The following ELMO1 variants were observed in gnomAD, a reference collection of about 807,000 sequenced individuals.
The protein encoded by ELMO1 is engulfment and cell motility 1.
In ELMO1, 26 loss-of-function variants were observed where a neutral mutation model predicts 98.9. That is an observed-to-expected ratio of 0.26 (90% CI 0.19 to 0.36). The LOEUF is 0.36. Among genes scored for constraint, ELMO1 ranks in the 10% least tolerant of loss-of-function variants. The probability of loss-of-function intolerance (pLI) is 1.00; values close to 1 mark genes in which losing one functional copy is unlikely to be tolerated. For synonymous variants in ELMO1, 346 were observed against 346.0 expected (o/e 1.00, Z 0.00); for missense variants, 627 against 935.2 (o/e 0.67, Z 4.30).
At chr7:37,210,718 T>G (rs1449066965) in intron 13 of ELMO1, among the ~76,000 whole-genome samples, 2 of 152,114 alleles carry the variant, frequency 1.3e-5, no homozygotes, top group Non-Finnish European at 2.9e-5. Context: ...ATGCCATTTA[T>G]GATGGGGATT....
chr7:36,877,865 T>A, intron 19 of ELMO1, 145 bp downstream of exon 19: 1 of 614,916 alleles, frequency 1.6e-6, no homozygotes, highest in Non-Finnish European at 2.9e-6. Flanking sequence ...TTGTACTTGA[T>A]GAGATGGCTC....
intron 7 of ELMO1, among the ~76,000 whole-genome samples, chr7:37,237,759 A>G (rs1794556880): frequency 6.6e-6 from 1 of 152,208 alleles, no homozygotes; most frequent in Non-Finnish European, 1.5e-5. Context: ...ATACATTGAA[A>G]GGTATGGATT....
At chr7:36,861,821 G>A in intron 20 of ELMO1, 85 bp from the exon 21 acceptor site, 1 of 1,314,196 alleles carries the variant, frequency 7.6e-7, no homozygotes, top group Non-Finnish European at 1.1e-6. Context: ...ATTGACCATG[G>A]CATAGGGCCA....
intron 18 of ELMO1, among the ~76,000 whole-genome samples, chr7:36,884,465 A>C (rs1804756393): frequency 6.6e-6 from 1 of 152,192 alleles, no homozygotes; most frequent in African/African-American, 2.4e-5. Flanking sequence ...AGAGGAACTA[A>C]CATTATCCCC....
chr7:36,998,581 T>C (rs2129159162), intron 16 of ELMO1, among the ~76,000 whole-genome samples: 1 of 152,278 alleles, frequency 6.6e-6, no homozygotes, highest in African/African-American at 2.4e-5. Flanking sequence ...ATCTTGCATG[T>C]ATGTTCATTT....
intron 1 of ELMO1, among the ~76,000 whole-genome samples, chr7:37,349,370 G>C (rs939531014): frequency 6.6e-6 from 1 of 152,214 alleles, no homozygotes; most frequent in East Asian, 1.9e-4. Context: ...GAAAGGGAAA[G>C]GGCTTCAGGA....
chr7:37,436,104 A>G (rs1488663173), intron 1 of ELMO1, among the ~76,000 whole-genome samples: 1 of 152,256 alleles, frequency 6.6e-6, no homozygotes, highest in Non-Finnish European at 1.5e-5. Flanking sequence ...TAAAATGGGT[A>G]CATGTTTGAA....
chr7:37,321,574 GGGCGTGGT>G (rs1562611814), intron 2 of ELMO1, among the ~76,000 whole-genome samples: 1 of 151,402 alleles, frequency 6.6e-6, no homozygotes, highest in East Asian at 2.0e-4. Context: ...AAAATTAGCC[GGGCGTGGT>G]GGCGGGCGCC....
intron 16 of ELMO1, among the ~76,000 whole-genome samples, chr7:36,944,036 G>C (rs920161270): frequency 2.0e-5 from 3 of 152,194 alleles, no homozygotes; most frequent in Non-Finnish European, 2.9e-5. Context: ...AGTACCACAG[G>C]TGGGGCATCT....
chr7:36,946,783 T>C (rs569365460), intron 16 of ELMO1, among the ~76,000 whole-genome samples: 4 of 152,304 alleles, frequency 2.6e-5, no homozygotes, highest in African/African-American at 7.2e-5. Flanking sequence ...CCTTCTTCTC[T>C]TCTCACTCCC....
At chr7:37,013,495 TA>T in intron 15 of ELMO1, 60 bp from the exon 16 acceptor site, 1 of 1,579,820 alleles carries the variant, frequency 6.3e-7, no homozygotes, top group Non-Finnish European at 8.6e-7. Context: ...CACGAGAACA[TA>T]ACCACAGGTA....
intron 4 of ELMO1, among the ~76,000 whole-genome samples, chr7:37,277,268 G>A (rs1167841566): frequency 6.6e-6 from 1 of 152,216 alleles, no homozygotes; most frequent in Non-Finnish European, 1.5e-5. Context: ...CACTGCATCA[G>A]CACATAGGTG....
intron 19 of ELMO1, among the ~76,000 whole-genome samples, chr7:36,876,342 C>T (rs1584289699): frequency 6.7e-6 from 1 of 149,160 alleles, no homozygotes. Flanking sequence ...ATCGAGGGTC[C>T]TTTCTTTTAT....
chr7:37,259,055 T>A, intron 6 of ELMO1, 126 bp downstream of exon 6: 1 of 1,150,538 alleles, frequency 8.7e-7, no homozygotes, highest in Non-Finnish European at 1.2e-6. Context: ...TAAAAACTAT[T>A]TTTTTCCTGA....
chr7:37,325,121 G>A (rs1027363644), intron 2 of ELMO1, among the ~76,000 whole-genome samples: 3 of 152,160 alleles, frequency 2.0e-5, no homozygotes, highest in Non-Finnish European at 2.9e-5. Context: ...AAAAAATGCT[G>A]GTTAAAGAAA....
At chr7:37,165,732 G>A (rs907450628) in intron 13 of ELMO1, among the ~76,000 whole-genome samples, 9 of 152,156 alleles carry the variant, frequency 5.9e-5, no homozygotes, top group Non-Finnish European at 1.0e-4. Flanking sequence ...TGCTGGATTC[G>A]GTTTACCAGT....
rs533796534 is a variant in ELMO1 at position 37,239,463 on chromosome 7, C to A, written c.449+4893G>T. Among the ~76,000 whole-genome samples, 8 of 152,276 alleles carry A rather than the reference C, an allele frequency of 5.3e-5. No homozygotes were observed. In the South Asian group the frequency reaches 1.7e-3, roughly 32 times the overall value. ...TACAGGCGTGAGCCACCGCGCCCAG[C>A]CAATTTCAATTTTTTTAATAACTAT... On this transcript the variant is annotated intron_variant, in intron 7 of 21. Transcript: ENST00000310758.
intron 6 of ELMO1, among the ~76,000 whole-genome samples, chr7:37,251,959 C>T (rs902203171): frequency 7.2e-5 from 11 of 152,146 alleles, no homozygotes; most frequent in African/African-American, 2.7e-4. Context: ...AGAGCCAAAT[C>T]ATAAGTGAAC....
intron 7 of ELMO1, among the ~76,000 whole-genome samples, chr7:37,233,811 A>T (rs1228074375): frequency 6.6e-6 from 1 of 152,214 alleles, no homozygotes; most frequent in Non-Finnish European, 1.5e-5. Context: ...GATTTTGGCC[A>T]GCATTTCGTC....
Sources: allele counts gnomAD v4.1 joint callset (sites outside exome capture counted in the v4.1 genomes callset), GRCh38; gene constraint gnomAD v4.1.1; transcripts MANE v1.5; gene names NCBI Gene and HGNC (gene_info 2026-07-23, HGNC 2026-07-21).